The following THOC3 variants were observed in gnomAD, a reference collection of about 807,000 sequenced individuals.
The protein encoded by THOC3 is THO complex subunit 3.
Under a neutral mutation model 23.3 loss-of-function variants are expected in THOC3, and 4 were observed. The ratio of observed to expected loss-of-function variants is 0.17; its 90% CI spans 0.08 to 0.39. The LOEUF (loss-of-function observed/expected upper bound fraction) is 0.39. Among genes scored for constraint, THOC3 ranks in the 10% least tolerant of loss-of-function variants. The pLI is 1.00. For missense variants in THOC3, 64 were observed against 359.4 expected, an observed-to-expected ratio of 0.18 and a Z score of 6.65; for synonymous variants, 27 against 141.5, an observed-to-expected ratio of 0.19 and a Z score of 5.74.
intron 5 of THOC3, chr5:175,960,440 A>C: frequency 3.1e-6 from 1 of 325,670 alleles, no homozygotes; most frequent in Non-Finnish European, 5.7e-6. Flanking sequence ...TGTTCACCAC[A>C]ACGTGACTAA....
intron 3 of THOC3, among the ~76,000 whole-genome samples, chr5:175,962,419 T>TACACACACACACACACACAC (rs1436194735): frequency 2.5e-5 from 1 of 40,666 alleles, no homozygotes; most frequent in African/African-American, 9.4e-5. Context: ...TATATATATA[T>TACACACACACACACACACAC]ATACACACAC....
At chr5:175,960,307 G>A (rs1756638710) in intron 5 of THOC3, 175 bp from the exon 6 acceptor site, 1 of 206,710 alleles carries the variant, frequency 4.8e-6, no homozygotes, top group South Asian at 5.2e-5. Context: ...AGCCAGTGGA[G>A]GACAGAGCCG....
intron 3 of THOC3, among the ~76,000 whole-genome samples, chr5:175,963,604 T>G (rs1230912651): frequency 1.3e-5 from 2 of 148,184 alleles, no homozygotes; most frequent in Non-Finnish European, 1.5e-5. Context: ...ATACATTTAT[T>G]TTATGTGGTT....
chr5:175,965,228 A>G, intron 2 of THOC3, 73 bp from the exon 3 acceptor site: 5 of 1,596,750 alleles, frequency 3.1e-6, no homozygotes, highest in Non-Finnish European at 4.3e-6. Context: ...GCACTATCCT[A>G]GAAAGAAGAC....
intron 3 of THOC3, among the ~76,000 whole-genome samples, chr5:175,962,115 G>A (rs1756670788): frequency 6.6e-6 from 1 of 151,926 alleles, no homozygotes; most frequent in Admixed American, 6.5e-5. Flanking sequence ...GGGGAAGAAT[G>A]GAAAGAGTAT....
At chr5:175,960,462 A>G in intron 5 of THOC3, 1 of 297,618 alleles carries the variant, frequency 3.4e-6, no homozygotes, top group Non-Finnish European at 6.3e-6. Flanking sequence ...AGGGGCATGC[A>G]TTCTTTACAT....
chr5:175,963,922 G>A (rs1296887756), intron 3 of THOC3, among the ~76,000 whole-genome samples: 8 of 152,292 alleles, frequency 5.3e-5, no homozygotes, highest in Non-Finnish European at 1.2e-4. Flanking sequence ...AAGCTCACAA[G>A]CTCCCTCCTT....
intron 3 of THOC3, among the ~76,000 whole-genome samples, chr5:175,963,392 A>G (rs1247253115): frequency 6.6e-6 from 1 of 152,280 alleles, no homozygotes; most frequent in African/African-American, 2.4e-5. Flanking sequence ...TTAATGAGCA[A>G]AACTAGGGTA....
intron 3 of THOC3, among the ~76,000 whole-genome samples, chr5:175,962,618 G>A (rs565531490): frequency 9.0e-5 from 13 of 144,818 alleles, no homozygotes; most frequent in East Asian, 3.9e-4. Context: ...TCCGCCTCCC[G>A]GGTTCAAGCG....
intron 3 of THOC3, among the ~76,000 whole-genome samples, chr5:175,962,128 GC>G (rs200211868): frequency 0.032 from 4,901 of 151,644 alleles, 57 homozygotes; most frequent in Middle Eastern, 0.058. Context: ...AAGAGTATAT[GC>G]AAAAACCAAA....
chr5:175,966,782 T>C (rs1196142577), intron 2 of THOC3, among the ~76,000 whole-genome samples: 1 of 151,586 alleles, frequency 6.6e-6, no homozygotes, highest in East Asian at 1.9e-4. Context: ...CACAGCACCC[T>C]GACCACTCAA....
chr5:175,963,344 T>C (rs1267132114), intron 3 of THOC3, among the ~76,000 whole-genome samples: 2 of 152,266 alleles, frequency 1.3e-5, no homozygotes, highest in South Asian at 2.1e-4. Context: ...TTTTGAGTAA[T>C]TTAAGAGATA....
chr5:175,965,573 T>C (rs1756749571), intron 2 of THOC3, among the ~76,000 whole-genome samples: 1 of 152,250 alleles, frequency 6.6e-6, no homozygotes, highest in Admixed American at 6.5e-5. Flanking sequence ...TACAGGCGCC[T>C]GCCACCACAC....
chr5:175,967,828 A>G, intron 1 of THOC3, 114 bp downstream of exon 1: 1 of 997,704 alleles, frequency 1.0e-6, no homozygotes, highest in Non-Finnish European at 1.4e-6. Context: ...CTTCCCTCAA[A>G]CCCACTCTCC....
chr5:175,965,857 T>C (rs1756757352), intron 2 of THOC3, among the ~76,000 whole-genome samples: 1 of 152,260 alleles, frequency 6.6e-6, no homozygotes, highest in Non-Finnish European at 1.5e-5. Flanking sequence ...CTTTTCTTTA[T>C]TCAAGATTTT....
chr5:175,965,528 C>G (rs1756748612), intron 2 of THOC3, among the ~76,000 whole-genome samples: 1 of 152,276 alleles, frequency 6.6e-6, no homozygotes, highest in East Asian at 1.9e-4. Flanking sequence ...GGGTTCACGC[C>G]ATTCTCTCGC....
intron 2 of THOC3, among the ~76,000 whole-genome samples, chr5:175,966,724 A>G (rs1277163175): frequency 2.6e-5 from 4 of 151,258 alleles, no homozygotes; most frequent in East Asian, 1.9e-4. Flanking sequence ...CAAATTCTCC[A>G]TGCCTTTGCA....
chr5:175,965,661 G>A (rs78058801), intron 2 of THOC3, among the ~76,000 whole-genome samples: 33,643 of 149,280 alleles, frequency 0.23, no homozygotes, highest in South Asian at 0.32. Flanking sequence ...TCCTGACCTC[G>A]TGATCCGCCC....
chr5:175,962,033 C>G (rs902252869), intron 3 of THOC3, among the ~76,000 whole-genome samples: 5 of 151,154 alleles, frequency 3.3e-5, no homozygotes, highest in Admixed American at 1.3e-4. Flanking sequence ...AAAAACTATA[C>G]ATGGTTTAAA....
Sources: allele counts gnomAD v4.1 joint callset (sites outside exome capture counted in the v4.1 genomes callset), GRCh38; gene constraint gnomAD v4.1.1; transcripts MANE v1.5; gene names NCBI Gene and HGNC (gene_info 2026-07-23, HGNC 2026-07-21).